The following PCDHGB3 variants were observed in gnomAD, a reference collection of about 807,000 sequenced individuals.
PCDHGB3 encodes the protein protocadherin gamma-B3.
In PCDHGB3, 40 loss-of-function variants were observed where a neutral mutation model predicts 59.2. The observed-to-expected ratio is 0.68, with a 90% CI of 0.52 to 0.88. The LOEUF is 0.88. Ranked by LOEUF, PCDHGB3 falls within the 40% of genes least tolerant of loss-of-function variation. The pLI is 0.00. For missense variants in PCDHGB3, 1,309 were observed against 1,187.9 expected, an observed-to-expected ratio of 1.10 and a Z score of -1.50; for synonymous variants, 581 against 503.6, an observed-to-expected ratio of 1.15 and a Z score of -2.06.
chr5:141,413,910 C>T, intron 1 of PCDHGB3: 1 of 1,613,376 alleles, frequency 6.2e-7, no homozygotes, highest in Non-Finnish European at 8.5e-7. Flanking sequence ...ACGCGCCGGT[C>T]TTCACCTTGC....
chr5:141,490,985 C>T lies in PCDHGB3; in HGVS notation c.2416-3822C>T. On this transcript the variant is annotated intron_variant, in intron 1 of 3. Transcript: ENST00000576222. This position sits in a 1 kb window ranked among gnomAD's most constrained non-coding sequence, Gnocchi z 5.4. ...TCAGCCCCCCAGCGTCTCCCTCGCT[C>T]TGCTCCTCCTGGCTCCTTGGTCACC... The T allele has an allele frequency of 1.9e-6, 3 of 1,614,128 alleles. No individual in the cohort carries two copies. The highest frequency in any genetic ancestry group is 2.5e-6 in the Non-Finnish European group (3 of 1,180,032).
chr5:141,481,502 T>G (rs1425241526), intron 1 of PCDHGB3, among the ~76,000 whole-genome samples: 1 of 152,232 alleles, frequency 6.6e-6, no homozygotes, highest in Non-Finnish European at 1.5e-5. Context: ...TTGCATGGTA[T>G]GTGAATTATG....
rs1357424627 is a variant in PCDHGB3, at chr5:141,370,319, C to T, written c.-76C>T. ...ACAAAGACAAAGCAAATAGTTGGTC[C>T]TGCTCGGAGAACTCTTGGGATTATT... On this transcript the variant is annotated 5_prime_UTR_variant, in exon 1 of 4. Transcript: ENST00000576222. 7.5e-7 allele frequency: 1 copy of T among 1,336,732 alleles called. No homozygotes were observed. Among genetic ancestry groups the T allele is most frequent in the Non-Finnish European group, 1.0e-6 (1 of 978,958 alleles). The allele number at this position is 1,336,732 out of a possible 1,614,324, so 82.8% of individuals were successfully genotyped here.
intron 1 of PCDHGB3, among the ~76,000 whole-genome samples, chr5:141,472,980 C>CAAAAAAAAAAAAAAAA (rs60579131): frequency 2.8e-4 from 24 of 86,024 alleles, no homozygotes; most frequent in East Asian, 1.2e-3. Context: ...GAGTGAAACT[C>CAAAAAAAAAAAAAAAA]AAAAAAAAAA....
rs1185164104 is a variant in PCDHGB3, at chr5:141,370,780, A to T, written c.386A>T (p.Asn129Ile). ...VTVLIQDIND[N>I]PPTFSQNITE... is the part of the protein sequence containing the mutation. ...GTGCTGATCCAGGATATTAACGACA[A>T]CCCACCGACCTTTAGCCAAAATATC... The change falls in exon 1 of 4, where the codon AAC (asparagine) becomes ATC (isoleucine). Residue 129 changes from asparagine (N) to isoleucine (I), a missense_variant. Transcript: ENST00000576222. The T allele has an allele frequency of 6.2e-7, 1 of 1,613,990 alleles. No homozygotes were observed. Among genetic ancestry groups the T allele is most frequent in the Non-Finnish European group, 8.5e-7 (1 of 1,179,888 alleles).
chr5:141,420,287 A>C, intron 1 of PCDHGB3: 1 of 1,498,884 alleles, frequency 6.7e-7, no homozygotes, highest in African/African-American at 1.4e-5. Context: ...AAGTATTTAA[A>C]AATGTATTTA....
intron 1 of PCDHGB3, among the ~76,000 whole-genome samples, chr5:141,425,819 A>C (rs1183860957): frequency 6.6e-6 from 1 of 152,246 alleles, no homozygotes; most frequent in Non-Finnish European, 1.5e-5. Flanking sequence ...TTAGAAAAAA[A>C]CAAACTTTTA....
chr5:141,451,116 CCA>C (rs1257364243), intron 1 of PCDHGB3, among the ~76,000 whole-genome samples: 1 of 152,200 alleles, frequency 6.6e-6, no homozygotes, highest in Non-Finnish European at 1.5e-5. Context: ...GCGTGAGCCA[CCA>C]CACCCAGCCT....
chr5:141,395,542 T>TTGTTTGTGTGTGTG (rs1267535064), intron 1 of PCDHGB3: 1 of 168,708 alleles, frequency 5.9e-6, no homozygotes, highest in African/African-American at 5.7e-5. Flanking sequence ...TTGCTATTGT[T>TTGTTTGTGTGTGTG]TGTGTGTGTG....
Position 141,370,525 on chromosome 5 carries a change from G to C in PCDHGB3, c.131G>C (p.Gly44Ala). The stretch of plus-strand genomic sequence containing the variant: ...GCTATTCCCGAGGAGCTGGACAGGG[G>C]CTCGCTGGTAGGGAACCTCGCCAAG... Reference protein sequence around the residue: ...RYAIPEELDRGSLVGNLAKDL... With the variant: ...RYAIPEELDRASLVGNLAKDL... Residue 44 changes from glycine (G) to alanine (A), a missense_variant, in exon 1 of 4, where the codon GGC (glycine) becomes GCC (alanine). Coordinates refer to ENST00000576222, the MANE Select transcript of PCDHGB3 (RefSeq NM_018924.5). The C allele has an allele frequency of 6.2e-7, 1 of 1,613,874 alleles. No individual in the cohort carries two copies. Among genetic ancestry groups the C allele is most frequent in the Non-Finnish European group, 8.5e-7 (1 of 1,179,812 alleles).
chr5:141,505,434 A>C lies in PCDHGB3; in HGVS notation c.2516A>C (p.Gln839Pro), dbSNP rs1417754900. 1 of 1,614,198 alleles carries C rather than the reference A, an allele frequency of 6.2e-7. No homozygotes were observed. The highest frequency in any genetic ancestry group is 1.7e-5 in the Admixed American group (1 of 60,032). The change falls in exon 3 of 4, where the codon CAG (glutamine) becomes CCG (proline). Residue 839 changes from glutamine (Q) to proline (P), a missense_variant. Gln to Pro is a moderately conservative substitution (Grantham distance 76). Coordinates refer to ENST00000576222, the MANE Select transcript of PCDHGB3 (RefSeq NM_018924.5). ...GACACCGGCACCTGGCCCAACAACCAGTTTGACACAGAGATGCTGCAAGCC... is the reference window on the plus strand; with the variant it reads ...GACACCGGCACCTGGCCCAACAACCCGTTTGACACAGAGATGCTGCAAGCC... ...GDDTGTWPNN[Q>P]FDTEMLQAMI...
chr5:141,409,251 CTT>C (rs771889477), intron 1 of PCDHGB3: 78 of 1,613,922 alleles, frequency 4.8e-5, no homozygotes, highest in Non-Finnish European at 6.2e-5. Context: ...ATAATCATCA[CTT>C]CTCTCTCTGA....
intron 2 of PCDHGB3, among the ~76,000 whole-genome samples, chr5:141,495,690 G>A (rs1261694815): frequency 1.3e-5 from 2 of 152,172 alleles, no homozygotes; most frequent in East Asian, 3.9e-4. Context: ...TGGCATAAGT[G>A]CTCAATAAAT....
chr5:141,502,667 T>G (rs2099815574), intron 2 of PCDHGB3, among the ~76,000 whole-genome samples: 1 of 152,236 alleles, frequency 6.6e-6, no homozygotes. Context: ...TTCATGCAAT[T>G]TTAGTATTCC....
chr5:141,487,813 TG>T lies in PCDHGB3; in HGVS notation c.2416-6989del. 7.2e-7 allele frequency: 1 copy of T among 1,384,138 alleles called. No homozygotes were observed. 85.7% of individuals were successfully genotyped at this position (1,384,138 alleles called of 1,614,324 possible). A position where few individuals can be genotyped will look rare whatever the true frequency, so the allele number is the denominator to read the frequency against. On this transcript the variant is annotated intron_variant, in intron 1 of 3. Transcript: ENST00000576222. This position sits in a 1 kb window ranked among gnomAD's most constrained non-coding sequence, Gnocchi z 5.0. Reference sequence around the variant, plus strand: ...AACCAGAGTTGTCACAGTTTAGCATTGGGGGCGGGTCATGCCTATATCTGAG... The same window carrying T: ...AACCAGAGTTGTCACAGTTTAGCATTGGGGCGGGTCATGCCTATATCTGAG...
chr5:141,398,584 A>T lies in PCDHGB3; in HGVS notation c.2415+25775A>T, dbSNP rs201021035. On this transcript the variant is annotated intron_variant, in intron 1 of 3. Transcript: ENST00000576222. Reference sequence around the variant, plus strand: ...GTCTGCACAGCCTGGCACAAGATTTATACTAGAAGTAGCAGAAGATGCAGA... The same window carrying T: ...GTCTGCACAGCCTGGCACAAGATTTTTACTAGAAGTAGCAGAAGATGCAGA... 1.9e-6 allele frequency: 3 copies of T among 1,614,066 alleles called. No homozygotes were observed. In the South Asian group the frequency reaches 3.3e-5, roughly 18 times the overall value.
In PCDHGB3 at chr5:141,372,086, C is replaced by T. The variant is rs1389787406; in HGVS notation, c.1692C>T (p.Tyr564=). The T allele has an allele frequency of 1.3e-5, 21 of 1,613,620 alleles. No individual in the cohort carries two copies. Among genetic ancestry groups the T allele is most frequent in the East Asian group, 2.2e-5 (1 of 44,892 alleles). Residue 564 remains tyrosine (Y), a synonymous_variant, in exon 1 of 4, where the codon TAC becomes TAT. Transcript: ENST00000576222. ...ACGACAATGCACCGCTGGTGCTGTA[C>T]CCAGCTCTGGGGCCCGAAGGCTCTG... ...DRNDNAPLVL[Y]PALGPEGSAL...
rs2099613082 is a variant in PCDHGB3, at chr5:141,485,421, C to T, written c.2416-9386C>T. ...TTCCGTGTGGATTTGGACAGCGGAG[C>T]CCTGCTCATCAAGAACCCAATCGAC... On this transcript the variant is annotated intron_variant, in intron 1 of 3. Coordinates refer to ENST00000576222, the MANE Select transcript of PCDHGB3 (RefSeq NM_018924.5). The surrounding 1 kb of genome is among the most constrained non-coding windows in gnomAD (Gnocchi z 5.7). The T allele has an allele frequency of 6.2e-7, 1 of 1,614,112 alleles. No individual in the cohort carries two copies. Among genetic ancestry groups the T allele is most frequent in the Non-Finnish European group, 8.5e-7 (1 of 1,180,010 alleles).
At chr5:141,374,134 C>T in intron 1 of PCDHGB3, 4 of 1,605,352 alleles carry the variant, frequency 2.5e-6, no homozygotes, top group Non-Finnish European at 3.4e-6. Context: ...TCCTGCTCCT[C>T]ACGCTCCTGG....
Sources: allele counts gnomAD v4.1 joint callset (sites outside exome capture counted in the v4.1 genomes callset), GRCh38; gene constraint gnomAD v4.1.1; non-coding constraint Gnocchi (gnomAD v3.1); transcripts MANE v1.5; gene names NCBI Gene and HGNC (gene_info 2026-07-23, HGNC 2026-07-21).